RAD51B: variants seen among roughly 807,000 people sequenced by gnomAD.
RAD51B encodes the protein RAD51 paralog B.
RAD51B carries 38 observed loss-of-function variants against 42.2 expected under a neutral mutation model. That is an observed-to-expected ratio of 0.90 (90% CI 0.70 to 1.18). RAD51B has a LOEUF of 1.18. RAD51B is among the 50% of genes most tolerant of loss of function. The pLI is 0.00. For missense variants in RAD51B, 373 were observed against 400.7 expected (o/e 0.93, Z 0.59); for synonymous variants, 154 against 145.2 (o/e 1.06, Z -0.43).
intron 10 of RAD51B, chr14:68,563,371 G>A (rs1261248859): frequency 1.8e-5 from 18 of 985,250 alleles, no homozygotes; most frequent in Non-Finnish European, 2.2e-5. Flanking sequence ...GTGATACTGC[G>A]AGCTGGGTTT....
chr14:67,945,186 A>C (rs979349069), intron 7 of RAD51B, among the ~76,000 whole-genome samples: 15 of 152,184 alleles, frequency 9.9e-5, no homozygotes, highest in Admixed American at 2.0e-4. Flanking sequence ...AAAATATCTA[A>C]AGCAAGAAGG....
intron 9 of RAD51B, among the ~76,000 whole-genome samples, chr14:68,465,565 T>C (rs1402879978): frequency 6.6e-6 from 1 of 152,142 alleles, no homozygotes; most frequent in African/African-American, 2.4e-5. Context: ...GACCCATAGG[T>C]GATGCAAACC....
At chr14:68,062,985 C>T (rs1316959947) in intron 7 of RAD51B, among the ~76,000 whole-genome samples, 3 of 151,952 alleles carry the variant, frequency 2.0e-5, no homozygotes, top group African/African-American at 7.3e-5. Flanking sequence ...TCGTATGTGC[C>T]CAGAAGTTGA....
chr14:68,626,597 G>C (rs766437235), intron 10 of RAD51B, among the ~76,000 whole-genome samples: 2 of 152,176 alleles, frequency 1.3e-5, no homozygotes, highest in African/African-American at 2.4e-5. Flanking sequence ...AGCTCAGCTG[G>C]GGCTCTTGAC....
At chr14:68,217,573 A>C (rs2079841840) in intron 7 of RAD51B, among the ~76,000 whole-genome samples, 1 of 152,104 alleles carries the variant, frequency 6.6e-6, no homozygotes, top group African/African-American at 2.4e-5. Flanking sequence ...GTATGGGGGG[A>C]AGCACTGTGT....
At chr14:68,426,566 A>G (rs1481849664) in intron 9 of RAD51B, among the ~76,000 whole-genome samples, 1 of 152,232 alleles carries the variant, frequency 6.6e-6, no homozygotes, top group Non-Finnish European at 1.5e-5. Flanking sequence ...TTAAACCATG[A>G]CATCGAAGAA....
chr14:68,268,558 T>A (rs1291611250), intron 7 of RAD51B, among the ~76,000 whole-genome samples: 1 of 152,208 alleles, frequency 6.6e-6, no homozygotes, highest in Admixed American at 6.5e-5. Flanking sequence ...ATTAGAATCA[T>A]AAACTATGGG....
chr14:68,237,538 A>G (rs2080285444), intron 7 of RAD51B, among the ~76,000 whole-genome samples: 1 of 152,054 alleles, frequency 6.6e-6, no homozygotes, highest in Non-Finnish European at 1.5e-5. Flanking sequence ...GAACATTTTT[A>G]CTCCCAAAAG....
chr14:68,478,903 G>A (rs1566906810), downstream of RAD51B, among the ~76,000 whole-genome samples: 1 of 152,324 alleles, frequency 6.6e-6, no homozygotes, highest in East Asian at 1.9e-4. Flanking sequence ...AGCTCAGTGT[G>A]TGCCTGCCCT....
At position 68,676,312 on chromosome 14, in the gene RAD51B, G is replaced by A. The variant is rs529385120; in HGVS notation, c.*11+25456G>A. 3.3e-5 allele frequency among the ~76,000 whole-genome samples: 5 copies of A among 152,178 alleles called. No individual in the cohort carries two copies. In the South Asian group the frequency reaches 8.3e-4, roughly 25 times the overall value. On this transcript the variant is annotated intron_variant, in intron 11 of 11. Coordinates refer to the RAD51B transcript ENST00000488612. ...ACATGGAAGCTAGAACCCCACCACA[G>A]CAAGCTGGCTGTAGACCCTCATAGT...
chr14:68,664,876 G>T (rs11629144), intron 11 of RAD51B, among the ~76,000 whole-genome samples: 33,747 of 152,020 alleles, frequency 0.22, 4,058 homozygotes, highest in African/African-American at 0.28. Flanking sequence ...TGACAAAAAT[G>T]CCCTGGATTC....
chr14:68,611,152 C>A, exon 11 of RAD51B: 1 of 703,160 alleles, frequency 1.4e-6, no homozygotes. Flanking sequence ...CATGTGCCCT[C>A]CACAGATGCA....
At chr14:68,502,778 C>T (rs1051115254) in intron 10 of RAD51B, among the ~76,000 whole-genome samples, 2 of 152,134 alleles carry the variant, frequency 1.3e-5, no homozygotes, top group African/African-American at 4.8e-5. Context: ...CAAGGGCTCC[C>T]TTGCATCCGC....
chr14:68,663,351 CA>C (rs1466717498), intron 11 of RAD51B, among the ~76,000 whole-genome samples: 3 of 151,572 alleles, frequency 2.0e-5, no homozygotes, highest in Non-Finnish European at 4.4e-5. Context: ...GGGACAAGGT[CA>C]AGATATTTAT....
At chr14:68,372,394 A>T (rs973337061) in intron 8 of RAD51B, among the ~76,000 whole-genome samples, 6 of 152,102 alleles carry the variant, frequency 3.9e-5, no homozygotes, top group Non-Finnish European at 7.4e-5. Flanking sequence ...TCGCATTTTG[A>T]TATTGATGTA....
chr14:68,561,188 G>A (rs190005676), intron 10 of RAD51B, among the ~76,000 whole-genome samples: 4 of 152,284 alleles, frequency 2.6e-5, no homozygotes, highest in South Asian at 2.1e-4. Flanking sequence ...CAAGCTCTTC[G>A]CATGGTGCCC....
At chr14:68,127,089 G>A (rs1156471343) in intron 7 of RAD51B, among the ~76,000 whole-genome samples, 1 of 152,096 alleles carries the variant, frequency 6.6e-6, no homozygotes, top group Non-Finnish European at 1.5e-5. Flanking sequence ...AAAGCACTTT[G>A]ACCCTCTGTA....
rs146120688 is a variant in RAD51B, at chr14:68,556,117, A to C, written c.1037-38368A>C. On this transcript the variant is annotated intron_variant, in intron 10 of 10. Transcript: ENST00000487270. ...TACTTTTTATTTCTTCTAATACCTCAGCTGCTATTCACTCAATGGTTACTT... is the reference window on the plus strand; with the variant it reads ...TACTTTTTATTTCTTCTAATACCTCCGCTGCTATTCACTCAATGGTTACTT... Among the ~76,000 whole-genome samples, 25 of 152,302 alleles carry C rather than the reference A, an allele frequency of 1.6e-4. No individual in the cohort carries two copies. The East Asian group carries it at 4.8e-3, about 29-fold the overall frequency.
intron 10 of RAD51B, among the ~76,000 whole-genome samples, chr14:68,521,639 G>A (rs941250995): frequency 3.3e-5 from 5 of 152,178 alleles, no homozygotes; most frequent in African/African-American, 7.2e-5. Flanking sequence ...AACCTTATAC[G>A]TTTCAGGTGG....
Sources: gnomAD v4.1 joint callset for allele counts (sites outside exome capture counted in the v4.1 genomes callset) on GRCh38, gnomAD v4.1.1 for gene constraint, MANE v1.5 for transcripts, NCBI Gene and HGNC (gene_info 2026-07-23, HGNC 2026-07-21) for gene names.